SH3GL2: variants seen among roughly 807,000 people sequenced by gnomAD.
SH3GL2 encodes endophilin-A1.
Under a neutral mutation model 46.0 loss-of-function variants are expected in SH3GL2, and 24 were observed. The observed-to-expected ratio is 0.52, with a 90% CI of 0.38 to 0.73. The LOEUF (loss-of-function observed/expected upper bound fraction) is 0.73, where lower values mean the gene tolerates loss of function less well. SH3GL2 is among the 30% of genes least tolerant of loss of function. SH3GL2 has a pLI of 0.00. For synonymous variants in SH3GL2, 196 were observed against 147.1 expected (o/e 1.33, Z -2.40); for missense variants, 413 against 424.2 (o/e 0.97, Z 0.23).
chr9:17,623,017 T>G (rs868175871), intron 1 of SH3GL2, among the ~76,000 whole-genome samples: 5 of 92,692 alleles, frequency 5.4e-5, no homozygotes, highest in African/African-American at 2.2e-4. Flanking sequence ...TTTCCTTTCC[T>G]TTCCTTTCCT....
chr9:17,680,857 A>G (rs1484471528), intron 1 of SH3GL2, among the ~76,000 whole-genome samples: 1 of 152,062 alleles, frequency 6.6e-6, no homozygotes, highest in East Asian at 1.9e-4. Context: ...TTGAAAGAAC[A>G]TCTTTATTTC....
chr9:17,772,334 A>G (rs73642315), intron 3 of SH3GL2, among the ~76,000 whole-genome samples: 16,978 of 152,196 alleles, frequency 0.11, 2,503 homozygotes, highest in African/African-American at 0.34. Context: ...CTTATTTTTC[A>G]TAGTAAAACA....
intron 1 of SH3GL2, among the ~76,000 whole-genome samples, chr9:17,725,180 A>C (rs1821990616): frequency 2.6e-5 from 4 of 152,092 alleles, no homozygotes; most frequent in African/African-American, 9.7e-5. Context: ...CAAGTTAGTA[A>C]GGCTTTTGCA....
In SH3GL2 at chr9:17,644,535, T is replaced by C. The variant is rs377216551; in HGVS notation, c.45+65248T>C. Among the ~76,000 whole-genome samples, 53 of 152,272 alleles carry C rather than the reference T, an allele frequency of 3.5e-4. 1 individual carries two copies. The East Asian group carries it at 9.3e-3, about 27-fold the overall frequency. ...GATTCTGGTACACTGTGTGTTCTTA[T>C]TGGTTTCAAATAACTTATTTGTTTC... On this transcript the variant is annotated intron_variant, in intron 1 of 8. Transcript: ENST00000380607.
At chr9:17,755,894 C>T in intron 2 of SH3GL2, 2 of 337,220 alleles carry the variant, frequency 5.9e-6, no homozygotes, top group Non-Finnish European at 8.4e-6. Flanking sequence ...GCCTTCTATT[C>T]TTTAGTATCT....
intron 1 of SH3GL2, among the ~76,000 whole-genome samples, chr9:17,674,231 A>G (rs754247595): frequency 2.6e-5 from 4 of 152,170 alleles, no homozygotes; most frequent in African/African-American, 4.8e-5. Context: ...GCAGCTTAAA[A>G]CAATAAACAT....
chr9:17,637,023 G>C (rs1192875183), intron 1 of SH3GL2, among the ~76,000 whole-genome samples: 3 of 152,206 alleles, frequency 2.0e-5, no homozygotes. Flanking sequence ...GCCTGGAAGG[G>C]AAAGGAATAT....
intron 2 of SH3GL2, among the ~76,000 whole-genome samples, chr9:17,755,998 G>A (rs1822977960): frequency 6.6e-6 from 1 of 152,002 alleles, no homozygotes; most frequent in South Asian, 2.1e-4. Flanking sequence ...CCTAGCACAG[G>A]AATCAAGATT....
intron 1 of SH3GL2, among the ~76,000 whole-genome samples, chr9:17,636,043 G>C (rs1337324685): frequency 1.3e-5 from 2 of 152,164 alleles, no homozygotes; most frequent in Non-Finnish European, 2.9e-5. Context: ...CACAAAGTTT[G>C]ATTATCTTAT....
Position 17,761,058 on chromosome 9 carries a change from T to C in SH3GL2, c.115-379T>C, listed in dbSNP as rs543770919. ...CTTCTTGAATAAGCAGAGTTGATGC[T>C]GCATGATTCTTTCTTGAGGGCAGCA... On this transcript the variant is annotated intron_variant, in intron 2 of 8. Transcript: ENST00000380607. Among the ~76,000 whole-genome samples, 4 of 152,386 alleles carry C rather than the reference T, an allele frequency of 2.6e-5. No homozygotes were observed. In the South Asian group the frequency reaches 8.3e-4, roughly 32 times the overall value.
intron 2 of SH3GL2, among the ~76,000 whole-genome samples, chr9:17,758,284 G>A (rs1402103610): frequency 6.6e-6 from 1 of 152,042 alleles, no homozygotes; most frequent in African/African-American, 2.4e-5. Flanking sequence ...AGCCATGCCT[G>A]GTGCAGTGAC....
chr9:17,597,295 G>A (rs918954422), intron 1 of SH3GL2, among the ~76,000 whole-genome samples: 1 of 152,186 alleles, frequency 6.6e-6, no homozygotes, highest in Non-Finnish European at 1.5e-5. Flanking sequence ...GCTGAGGCGG[G>A]CAGATCACTT....
Position 17,796,678 on chromosome 9 carries a change from A to G in SH3GL2, c.*935A>G, listed in dbSNP as rs1210810716. ...CTTTCCACTAGTTCATATACTGAGA[A>G]ACAGTAAATACCTTTCCTTTCCACT... On this transcript the variant is annotated 3_prime_UTR_variant, in exon 9 of 9. Transcript: ENST00000380607. The G allele has an allele frequency of 6.6e-6, 1 of 152,646 alleles. No homozygotes were observed. The highest frequency in any genetic ancestry group is 1.5e-5 in the Non-Finnish European group (1 of 68,036). 9.5% of individuals were successfully genotyped at this position (152,646 alleles called of 1,614,324 possible).
intron 1 of SH3GL2, among the ~76,000 whole-genome samples, chr9:17,660,637 TG>T (rs1394620497): frequency 6.6e-6 from 1 of 152,206 alleles, no homozygotes; most frequent in African/African-American, 2.4e-5. Context: ...GTGGGCTGTA[TG>T]ATCTCAGAAA....
intron 1 of SH3GL2, among the ~76,000 whole-genome samples, chr9:17,627,009 C>T (rs767366125): frequency 1.3e-5 from 2 of 152,090 alleles, no homozygotes; most frequent in Admixed American, 6.6e-5. Context: ...AGGCCCTGGT[C>T]GTGTGCTGGA....
At position 17,742,853 on chromosome 9, in the gene SH3GL2, T is replaced by A. The variant is rs552700830; in HGVS notation, c.46-4213T>A. ...GAGAGTTGTTTTTAGGAGTTGTTTT[T>A]AGTTTTTTGGATGATACAGGGGGAC... On this transcript the variant is annotated intron_variant, in intron 1 of 8. Transcript: ENST00000380607. 7.9e-5 allele frequency among the ~76,000 whole-genome samples: 12 copies of A among 152,316 alleles called. No individual in the cohort carries two copies. In the South Asian group the frequency reaches 2.3e-3, roughly 29 times the overall value.
chr9:17,791,953 T>G (rs1385410581), intron 7 of SH3GL2, among the ~76,000 whole-genome samples: 1 of 152,228 alleles, frequency 6.6e-6, no homozygotes, highest in Admixed American at 6.5e-5. Context: ...CGTGGAGTTG[T>G]GGGGCACAGC....
chr9:17,757,025 G>A (rs1476451805), intron 2 of SH3GL2, among the ~76,000 whole-genome samples: 2 of 152,118 alleles, frequency 1.3e-5, no homozygotes, highest in African/African-American at 4.8e-5. Context: ...ATTCTAACTG[G>A]TGTGAGATGG....
chr9:17,659,448 T>C (rs954283116), intron 1 of SH3GL2, among the ~76,000 whole-genome samples: 3 of 152,210 alleles, frequency 2.0e-5, no homozygotes, highest in Admixed American at 6.5e-5. Context: ...GTAAGTGGTG[T>C]GTGTGTGTGT....
Sources: allele counts gnomAD v4.1 joint callset (sites outside exome capture counted in the v4.1 genomes callset), GRCh38; gene constraint gnomAD v4.1.1; transcripts MANE v1.5; gene names NCBI Gene and HGNC (gene_info 2026-07-23, HGNC 2026-07-21).